C12orf76: variants seen among roughly 807,000 people sequenced by gnomAD.
The protein encoded by C12orf76 is chromosome 12 open reading frame 76.
A neutral mutation model predicts 6.8 loss-of-function variants in C12orf76; 6 were observed. The ratio of observed to expected loss-of-function variants is 0.88; its 90% CI spans 0.48 to 1.73. The LOEUF (loss-of-function observed/expected upper bound fraction) is 1.73. Among genes scored for constraint, C12orf76 ranks in the 40% most tolerant of loss-of-function variants. The probability of loss-of-function intolerance (pLI) is 0.01; values close to 1 mark genes in which losing one functional copy is unlikely to be tolerated. For missense variants in C12orf76, 99 were observed against 98.2 expected (o/e 1.01, Z -0.03); for synonymous variants, 56 against 43.7 (o/e 1.28, Z -1.11).
intron 2 of C12orf76, chr12:110,059,165 T>C (rs1309386457): frequency 6.5e-7 from 1 of 1,540,268 alleles, no homozygotes; most frequent in South Asian, 1.2e-5. Flanking sequence ...TGTTCCTTGC[T>C]GGTGTAAAAA....
At chr12:110,049,529 G>T (rs1892540350), upstream of C12orf76, 1 of 152,212 alleles carries the variant, frequency 6.6e-6, no homozygotes, top group Non-Finnish European at 1.5e-5. Context: ...ATTCTCAAGG[G>T]TAGGGAGAAT....
rs889675259 is a variant in C12orf76 at position 110,041,796 on chromosome 12, T to C, written c.*578A>G. On this transcript the variant is annotated 3_prime_UTR_variant, in exon 2 of 2. Coordinates refer to ENST00000615315, the MANE Select transcript of C12orf76 (RefSeq NM_001389625.1). ...CATATAGTAACAGGTCTACCTGATG[T>C]GACCCTGACTTCAGGGGGAGCACCT... 3 of 156,116 alleles carry C rather than the reference T, an allele frequency of 1.9e-5. No homozygotes were observed. The highest frequency in any genetic ancestry group is 4.3e-5 in the Non-Finnish European group (3 of 70,348). The allele number at this position is 156,116 out of a possible 1,614,324, so 9.7% of individuals were successfully genotyped here.
chr12:110,063,383 A>C (rs986719584), intron 2 of C12orf76, among the ~76,000 whole-genome samples: 12 of 151,786 alleles, frequency 7.9e-5, no homozygotes, highest in African/African-American at 2.9e-4. Context: ...TCCCGGGGTC[A>C]AGCGATTTTC....
At chr12:110,068,247 A>AAAGAAGAAGAAGAAGAAGAAG (rs4042063), upstream of C12orf76, among the ~76,000 whole-genome samples, 4 of 63,816 alleles carry the variant, frequency 6.3e-5, no homozygotes, top group Non-Finnish European at 6.1e-5. Context: ...GAAGAAGAAG[A>AAAGAAGAAGAAGAAGAAGAAG]AAGAAGAAGA....
At chr12:110,068,265 GA>G (rs1892907092), upstream of C12orf76, among the ~76,000 whole-genome samples, 1 of 112,842 alleles carries the variant, frequency 8.9e-6, no homozygotes. Context: ...AGAAGAAGAA[GA>G]AGAAGAAGAA....
At chr12:110,049,114 C>T (rs901098235), upstream of C12orf76, 4 of 152,230 alleles carry the variant, frequency 2.6e-5, no homozygotes, top group African/African-American at 9.7e-5. Context: ...ACGAGCACAG[C>T]GATTTTGTTC....
At chr12:110,050,650 T>C (rs1204952036), upstream of C12orf76, 3 of 279,414 alleles carry the variant, frequency 1.1e-5, no homozygotes, top group Non-Finnish European at 1.4e-5. Flanking sequence ...AGTTACCCTA[T>C]ATGGTCTAAA....
chr12:110,073,605 C>T (rs1892987532), exon 1 of C12orf76: 2 of 442,660 alleles, frequency 4.5e-6, no homozygotes, highest in Admixed American at 5.3e-5. Flanking sequence ...GATGGGGCCA[C>T]AGCAAGCCCC....
chr12:110,051,259 C>G (rs745987062), upstream of C12orf76: 1 of 741,458 alleles, frequency 1.3e-6, no homozygotes, highest in Non-Finnish European at 2.5e-6. Flanking sequence ...AATCCTAGCT[C>G]GGCTGCATGA....
chr12:110,050,255 T>G (rs1222963487), upstream of C12orf76: 2 of 152,238 alleles, frequency 1.3e-5, no homozygotes, highest in African/African-American at 4.8e-5. Context: ...TCTGGAGGCT[T>G]TACCACCTCA....
chr12:110,050,966 T>C (rs773374774), upstream of C12orf76: 5 of 734,700 alleles, frequency 6.8e-6, no homozygotes, highest in African/African-American at 5.1e-5. Flanking sequence ...TGGGTAAGTG[T>C]TGGGGTCCGT....
intron 2 of C12orf76, among the ~76,000 whole-genome samples, chr12:110,062,292 C>A (rs772098167): frequency 6.6e-6 from 1 of 152,002 alleles, no homozygotes; most frequent in African/African-American, 2.4e-5. Flanking sequence ...GTATTGTATT[C>A]GGCAGGGTTT....
intron 3 of C12orf76, chr12:110,057,427 G>A: frequency 1.5e-6 from 1 of 658,208 alleles, no homozygotes. Context: ...AGTGGCGCCG[G>A]GCACTGTGCC....
chr12:110,046,936 T>G (rs1693996236), intron 1 of C12orf76, among the ~76,000 whole-genome samples: 1 of 152,092 alleles, frequency 6.6e-6, no homozygotes, highest in South Asian at 2.1e-4. Context: ...CTGAAATCAT[T>G]TATCCAACAT....
upstream of C12orf76, among the ~76,000 whole-genome samples, chr12:110,051,904 C>CTTTTTTT (rs567991255): frequency 1.3e-4 from 13 of 100,680 alleles, no homozygotes; most frequent in Non-Finnish European, 1.8e-4. Context: ...GGCAGCTACT[C>CTTTTTTT]TTTTTTTTTT....
At chr12:110,051,869 C>A (rs1892581253), upstream of C12orf76, among the ~76,000 whole-genome samples, 1 of 150,774 alleles carries the variant, frequency 6.6e-6, no homozygotes. Flanking sequence ...AAACACCCAC[C>A]TGCTTTATCA....
upstream of C12orf76, chr12:110,051,260 G>A (rs772115650): frequency 1.5e-5 from 11 of 740,734 alleles, no homozygotes; most frequent in Middle Eastern, 2.3e-4. Flanking sequence ...ATCCTAGCTC[G>A]GCTGCATGAC....
At chr12:110,062,788 ATT>A (rs71079597) in intron 2 of C12orf76, among the ~76,000 whole-genome samples, 3,311 of 63,194 alleles carry the variant, frequency 0.052, 62 homozygotes, top group African/African-American at 0.12. Flanking sequence ...CCCAGCTAAT[ATT>A]TTTTTTTTTT....
At chr12:110,056,269 A>G (rs1892665144) in intron 4 of C12orf76, among the ~76,000 whole-genome samples, 2 of 152,180 alleles carry the variant, frequency 1.3e-5, no homozygotes, top group Admixed American at 1.3e-4. Context: ...AAGGCAAGCC[A>G]TGTCACCCTT....
Sources: gnomAD v4.1 joint callset for allele counts (sites outside exome capture counted in the v4.1 genomes callset) on GRCh38, gnomAD v4.1.1 for gene constraint, MANE v1.5 for transcripts, NCBI Gene and HGNC (gene_info 2026-07-23, HGNC 2026-07-21) for gene names.